C12orf50: variants seen among roughly 807,000 people sequenced by gnomAD.
The protein encoded by C12orf50 is uncharacterized protein C12orf50.
Under a neutral mutation model 61.6 loss-of-function variants are expected in C12orf50, and 35 were observed. That is an observed-to-expected ratio of 0.57 (90% CI 0.43 to 0.75). The LOEUF (loss-of-function observed/expected upper bound fraction) is 0.75. C12orf50 is among the 30% of genes least tolerant of loss of function. The pLI, the probability that C12orf50 is intolerant of heterozygous loss-of-function variation, is 0.00. For missense variants in C12orf50, 475 were observed against 488.5 expected (o/e 0.97, Z 0.26); for synonymous variants, 178 against 161.5 (o/e 1.10, Z -0.77).
At chr12:88,022,365 A>T (rs1464239799) in intron 3 of C12orf50, among the ~76,000 whole-genome samples, 5 of 152,096 alleles carry the variant, frequency 3.3e-5, no homozygotes, top group Non-Finnish European at 2.9e-5. Flanking sequence ...AAATAATAAG[A>T]CCCATCTATG....
At chr12:88,010,441 TA>T (rs1279388789) in intron 3 of C12orf50, among the ~76,000 whole-genome samples, 17 of 120,018 alleles carry the variant, frequency 1.4e-4, no homozygotes, top group African/African-American at 9.5e-4. Flanking sequence ...AATCTTATAA[TA>T]AGATTATAAG....
intron 3 of C12orf50, among the ~76,000 whole-genome samples, chr12:88,002,561 T>C (rs924068167): frequency 4.0e-5 from 6 of 151,808 alleles, no homozygotes; most frequent in Non-Finnish European, 5.9e-5. Context: ...GTATATATTT[T>C]CCATTCTTTT....
chr12:88,008,858 CTAAACA>C lies in C12orf50; in HGVS notation c.134-10674_134-10669del, dbSNP rs1195769723. Among the ~76,000 whole-genome samples, 8 of 152,216 alleles carry C rather than the reference CTAAACA, an allele frequency of 5.3e-5. No individual in the cohort carries two copies. In the East Asian group the frequency reaches 1.5e-3, roughly 29 times the overall value. ...TGATCTCACTACCAAGTATGCATCC[CTAAACA>C]TAAAGTTTAATTTTGCTTATGTTTG... is the stretch of plus-strand genomic sequence containing the variant. On this transcript the variant is annotated intron_variant, in intron 3 of 12. Coordinates refer to ENST00000298699, the MANE Select transcript of C12orf50 (RefSeq NM_152589.3).
At chr12:88,008,912 G>A (rs183429518) in intron 3 of C12orf50, among the ~76,000 whole-genome samples, 4 of 152,182 alleles carry the variant, frequency 2.6e-5, no homozygotes, top group African/African-American at 9.6e-5. Flanking sequence ...ATAGAGTTAA[G>A]CCATATCTAT....
chr12:88,005,059 T>A (rs980467063), intron 3 of C12orf50, among the ~76,000 whole-genome samples: 3 of 152,020 alleles, frequency 2.0e-5, no homozygotes, highest in Non-Finnish European at 2.9e-5. Context: ...AAAAAAAAAA[T>A]CAATGCATAG....
rs377474479 is a variant in C12orf50 at position 88,027,021 on chromosome 12, G to A, written c.-59C>T. The A allele has an allele frequency of 1.2e-6, 2 of 1,613,760 alleles. No individual in the cohort carries two copies. Reference sequence around the variant, plus strand: ...CCTCTCTCTCCATAATGAGCACACAGTGTCACTGCCAAGGGCCTCTTCACA... The same window carrying A: ...CCTCTCTCTCCATAATGAGCACACAATGTCACTGCCAAGGGCCTCTTCACA... On this transcript the variant is annotated 5_prime_UTR_variant, in exon 2 of 13. Transcript: ENST00000298699.
At chr12:87,987,102 G>A (rs998527690) in intron 9 of C12orf50, among the ~76,000 whole-genome samples, 4 of 152,052 alleles carry the variant, frequency 2.6e-5, no homozygotes, top group South Asian at 4.1e-4. Flanking sequence ...ACAAGTGACC[G>A]CTGCACAGAG....
rs77407141 is a variant in C12orf50, at chr12:87,996,279, C to A, written c.481+95G>T. 5,186 of 857,844 alleles carry A rather than the reference C, an allele frequency of 6.0e-3. 192 individuals are homozygous for A. The African/African-American group carries it at 0.077, about 13-fold the overall frequency. 53.1% of individuals were successfully genotyped at this position (857,844 alleles called of 1,614,324 possible). A position where few individuals can be genotyped will look rare whatever the true frequency, so the allele number is the denominator to read the frequency against. On this transcript the variant is annotated intron_variant, in intron 6 of 12. Coordinates refer to ENST00000298699, the MANE Select transcript of C12orf50 (RefSeq NM_152589.3). ...TGCTCAATTACGATGTATTATTTAT[C>A]ACTTTATTCTTCTGTACATCATACT...
chr12:87,980,313 C>T lies in C12orf50; in HGVS notation c.*18G>A. 6.2e-7 allele frequency: 1 copy of T among 1,604,520 alleles called. No individual in the cohort carries two copies. Among genetic ancestry groups the T allele is most frequent in the Non-Finnish European group, 8.5e-7 (1 of 1,174,924 alleles). Reference sequence around the variant, plus strand: ...TCTGGCAATTTTTTCTCATTTTTCTCTCTCTCAACCTCCAGGTTTACTTGC... The same window carrying T: ...TCTGGCAATTTTTTCTCATTTTTCTTTCTCTCAACCTCCAGGTTTACTTGC... On this transcript the variant is annotated 3_prime_UTR_variant, in exon 13 of 13. Coordinates refer to ENST00000298699, the MANE Select transcript of C12orf50 (RefSeq NM_152589.3).
At chr12:88,001,365 CACTT>C (rs775858894) in intron 3 of C12orf50, among the ~76,000 whole-genome samples, 1 of 151,424 alleles carries the variant, frequency 6.6e-6, no homozygotes, top group Non-Finnish European at 1.5e-5. Flanking sequence ...GAGTTAATCT[CACTT>C]AGTTATGGAA....
At chr12:88,008,761 A>G (rs2136458828) in intron 3 of C12orf50, among the ~76,000 whole-genome samples, 1 of 152,168 alleles carries the variant, frequency 6.6e-6, no homozygotes, top group East Asian at 1.9e-4. Flanking sequence ...TCATTCACAC[A>G]ATTTTCCTTC....
chr12:87,998,210 T>G lies in C12orf50; in HGVS notation c.134-20A>C, dbSNP rs755426699. ...TGATATCTGCAGAGAAAATGCAACA[T>G]TTCAGTCTGTTCAAGATATATGTGA... is the stretch of plus-strand genomic sequence containing the variant. On this transcript the variant is annotated intron_variant, in intron 3 of 12. Coordinates refer to ENST00000298699, the MANE Select transcript of C12orf50 (RefSeq NM_152589.3). The G allele has an allele frequency of 1.9e-6, 3 of 1,601,688 alleles. No homozygotes were observed. The highest frequency in any genetic ancestry group is 2.6e-6 in the Non-Finnish European group (3 of 1,170,724).
Position 87,998,098 on chromosome 12 carries a change from T to G in C12orf50, c.226A>C (p.Ile76Leu). 6.2e-7 allele frequency: 1 copy of G among 1,613,078 alleles called. No individual in the cohort carries two copies. Among genetic ancestry groups the G allele is most frequent in the Non-Finnish European group, 8.5e-7 (1 of 1,179,428 alleles). The change falls in exon 4 of 13, where the codon ATC becomes CTC. Residue 76 changes from isoleucine to leucine, a missense_variant. Coordinates refer to ENST00000298699, the MANE Select transcript of C12orf50 (RefSeq NM_152589.3). ...GTTTTTAAAACTAAAGGATGGTGGA[T>G]GGGTCGTGATATATTTTCCTGAGGT... ...LKPQENISRP[I>L]HHPLVLKTNF...
chr12:88,002,382 C>G (rs1047544641), intron 3 of C12orf50, among the ~76,000 whole-genome samples: 1 of 151,724 alleles, frequency 6.6e-6, no homozygotes, highest in Non-Finnish European at 1.5e-5. Flanking sequence ...TTTATTCAGG[C>G]TTACCTTATC....
intron 9 of C12orf50, among the ~76,000 whole-genome samples, chr12:87,987,005 T>A (rs1164542889): frequency 6.6e-6 from 1 of 152,172 alleles, no homozygotes; most frequent in Non-Finnish European, 1.5e-5. Context: ...TTCAGGAATT[T>A]CTATGGTACA....
At chr12:87,992,499 G>T (rs1232508126) in intron 7 of C12orf50, among the ~76,000 whole-genome samples, 3 of 152,062 alleles carry the variant, frequency 2.0e-5, no homozygotes, top group Admixed American at 2.0e-4. Context: ...GTAGATATGT[G>T]TGTATATATG....
intron 3 of C12orf50, among the ~76,000 whole-genome samples, chr12:88,006,345 G>A (rs2031882633): frequency 6.6e-6 from 1 of 152,104 alleles, no homozygotes; most frequent in African/African-American, 2.4e-5. Flanking sequence ...AATCACCATT[G>A]TTTTCAGAGC....
intron 3 of C12orf50, among the ~76,000 whole-genome samples, chr12:88,018,346 C>T (rs908348386): frequency 1.3e-5 from 2 of 152,190 alleles, no homozygotes; most frequent in African/African-American, 2.4e-5. Context: ...TGCAAGAGCA[C>T]AGAATTTAAG....
Position 87,994,674 on chromosome 12 carries a change from T to A in C12orf50, c.551A>T (p.His184Leu). ...AGCAATGTCAGTCTTTGGTTTCCCA[T>A]GCAATGATGTTTTTATTTCACCTTG... Reference protein sequence around the residue: ...ERQGEIKTSLHGKPKTDIAAF... With the variant: ...ERQGEIKTSLLGKPKTDIAAF... The change falls in exon 7 of 13, where the codon CAT becomes CTT. Residue 184 changes from histidine (H) to leucine (L), a missense_variant. By Grantham distance (99) the His-to-Leu change is moderately conservative (BLOSUM62 -3). Coordinates refer to ENST00000298699, the MANE Select transcript of C12orf50 (RefSeq NM_152589.3). 1 of 1,613,470 alleles carries A rather than the reference T, an allele frequency of 6.2e-7. No individual in the cohort carries two copies. The highest frequency in any genetic ancestry group is 8.5e-7 in the Non-Finnish European group (1 of 1,179,626).
Sources: gnomAD v4.1 joint callset for allele counts (sites outside exome capture counted in the v4.1 genomes callset) on GRCh38, gnomAD v4.1.1 for gene constraint, MANE v1.5 for transcripts, NCBI Gene and HGNC (gene_info 2026-07-23, HGNC 2026-07-21) for gene names.